CNKSR3: variants seen among roughly 807,000 people sequenced by gnomAD.
The protein encoded by CNKSR3 is connector enhancer of kinase suppressor of ras 3.
In CNKSR3, 36 loss-of-function variants were observed where a neutral mutation model predicts 67.7. That is an observed-to-expected ratio of 0.53 (90% CI 0.41 to 0.70). The LOEUF is 0.70. Among genes scored for constraint, CNKSR3 ranks in the 30% least tolerant of loss-of-function variants. The pLI is 0.00. For missense variants in CNKSR3, 630 were observed against 695.2 expected (o/e 0.91, Z 1.05); for synonymous variants, 281 against 271.4 (o/e 1.04, Z -0.35).
At chr6:154,489,985 A>C (rs1786754950) in intron 1 of CNKSR3, among the ~76,000 whole-genome samples, 1 of 151,738 alleles carries the variant, frequency 6.6e-6, no homozygotes, top group Non-Finnish European at 1.5e-5. Flanking sequence ...CCCCCACCCC[A>C]GTCTCCCTCC....
chr6:154,440,632 A>T (rs564126307), intron 4 of CNKSR3, among the ~76,000 whole-genome samples: 115 of 152,294 alleles, frequency 7.6e-4, no homozygotes, highest in Admixed American at 4.1e-3. Flanking sequence ...GACATGTGTC[A>T]CTTGCAGTCC....
At chr6:154,497,901 A>ACC (rs1786910476) in intron 1 of CNKSR3, among the ~76,000 whole-genome samples, 1 of 152,124 alleles carries the variant, frequency 6.6e-6, no homozygotes, top group Admixed American at 6.5e-5. Context: ...TTTACGTAGG[A>ACC]CCCCACTAAC....
At chr6:154,432,876 G>A (rs1785396047) in intron 5 of CNKSR3, among the ~76,000 whole-genome samples, 1 of 152,110 alleles carries the variant, frequency 6.6e-6, no homozygotes, top group African/African-American at 2.4e-5. Flanking sequence ...TCTTTCCAAG[G>A]GGGAGAATCC....
chr6:154,507,886 A>G (rs1787134518), intron 1 of CNKSR3, among the ~76,000 whole-genome samples: 1 of 152,204 alleles, frequency 6.6e-6, no homozygotes, highest in Non-Finnish European at 1.5e-5. Flanking sequence ...TTCCCTTTTA[A>G]ATACTCAACA....
chr6:154,438,446 CT>C (rs145225063), intron 4 of CNKSR3, among the ~76,000 whole-genome samples: 6 of 151,372 alleles, frequency 4.0e-5, no homozygotes, highest in East Asian at 1.9e-4. Flanking sequence ...TCATACCACA[CT>C]TTTTTTTTGC....
chr6:154,503,627 C>T (rs374731838), intron 1 of CNKSR3, among the ~76,000 whole-genome samples: 56 of 135,480 alleles, frequency 4.1e-4, no homozygotes, highest in African/African-American at 1.5e-3. Context: ...AGAGCAAGAC[C>T]CTGCCTCTTA....
At chr6:154,497,588 G>A (rs574653720) in intron 1 of CNKSR3, among the ~76,000 whole-genome samples, 1 of 152,304 alleles carries the variant, frequency 6.6e-6, no homozygotes, top group African/African-American at 2.4e-5. Context: ...TAGAAAGGGA[G>A]CTAATGGTTG....
chr6:154,438,487 T>G (rs1785518225), intron 4 of CNKSR3, among the ~76,000 whole-genome samples: 1 of 152,156 alleles, frequency 6.6e-6, no homozygotes, highest in African/African-American at 2.4e-5. Context: ...AACATTAACT[T>G]GTAGAAATCC....
At chr6:154,419,636 T>C (rs9397190) in intron 9 of CNKSR3, among the ~76,000 whole-genome samples, 20,514 of 152,140 alleles carry the variant, frequency 0.13, 1,536 homozygotes, top group East Asian at 0.25. Flanking sequence ...GGATACACGT[T>C]TAAAGGAAAT....
In CNKSR3 at chr6:154,399,462, T is replaced by C. The variant is rs1190108301; in HGVS notation, c.*6892A>G. The C allele has an allele frequency of 6.6e-6, 1 of 152,132 alleles. No homozygotes were observed. The highest frequency in any genetic ancestry group is 1.5e-5 in the Non-Finnish European group (1 of 68,044). The allele number at this position is 152,132 out of a possible 1,614,324, so 9.4% of individuals were successfully genotyped here. A position where few individuals can be genotyped will look rare whatever the true frequency, so the allele number is the denominator to read the frequency against. ...GCTAGTATTATCCCCATTTCATAGA[T>C]AACTGAGGAGTGGAGAGGTCAGTCA... On this transcript the variant is annotated 3_prime_UTR_variant, in exon 13 of 13. Coordinates refer to ENST00000607772, the MANE Select transcript of CNKSR3 (RefSeq NM_173515.4).
At chr6:154,479,536 C>T (rs1433575224) in intron 1 of CNKSR3, among the ~76,000 whole-genome samples, 1 of 152,062 alleles carries the variant, frequency 6.6e-6, no homozygotes, top group South Asian at 2.1e-4. Context: ...GGGTAAAAAT[C>T]GTTTCCATAT....
At position 154,406,606 on chromosome 6, in the gene CNKSR3, C is replaced by G. The variant is rs989448861; in HGVS notation, c.1416G>C (p.Pro472=). Residue 472 remains proline (P), a synonymous_variant, in exon 13 of 13, where the codon CCG becomes CCC. Coordinates refer to ENST00000607772, the MANE Select transcript of CNKSR3 (RefSeq NM_173515.4). The part of the protein sequence containing the change: ...CRYFSNERIP[P]IIEESSSPPY... ...GGGGAGAGGAGCTCTCTTCAATGAT[C>G]GGAGGAATCCGCTCGTTACTGAAAT... The G allele has an allele frequency of 3.7e-6, 6 of 1,614,094 alleles. No homozygotes were observed. Among genetic ancestry groups the G allele is most frequent in the Non-Finnish European group, 5.1e-6 (6 of 1,179,984 alleles).
intron 7 of CNKSR3, among the ~76,000 whole-genome samples, chr6:154,425,362 C>G (rs572412512): frequency 2.0e-5 from 3 of 152,322 alleles, no homozygotes; most frequent in African/African-American, 7.2e-5. Context: ...CTTCATTTCT[C>G]AAATGTCCAA....
In CNKSR3 at chr6:154,423,388, C is replaced by G. The variant is rs147644644; in HGVS notation, c.730-405G>C. 6.8e-3 allele frequency among the ~76,000 whole-genome samples: 1,038 copies of G among 152,272 alleles called. 9 individuals are homozygous for G. Among genetic ancestry groups the G allele is most frequent in the African/African-American group, 0.024 (981 of 41,558 alleles). ...AAGCGGATCTCCCCCCTCAGCCTCCCGAGTAGCTGAGATTACAGGTGGCTG... is the reference window on the plus strand; with the variant it reads ...AAGCGGATCTCCCCCCTCAGCCTCCGGAGTAGCTGAGATTACAGGTGGCTG... On this transcript the variant is annotated intron_variant, in intron 7 of 12. Transcript: ENST00000607772.
In CNKSR3 at chr6:154,392,906, G is replaced by GGTTTGTTTGTTTGTTT. The variant is rs368773867; in HGVS notation, c.*13432_*13447dup. The GGTTTGTTTGTTTGTTT allele has an allele frequency of 2.0e-5, 3 of 152,130 alleles. No homozygotes were observed. Among genetic ancestry groups the GGTTTGTTTGTTTGTTT allele is most frequent in the African/African-American group, 7.3e-5 (3 of 41,290 alleles). 9.4% of individuals were successfully genotyped at this position (152,130 alleles called of 1,614,324 possible). On this transcript the variant is annotated 3_prime_UTR_variant, in exon 13 of 13. Coordinates refer to ENST00000607772, the MANE Select transcript of CNKSR3 (RefSeq NM_173515.4). Reference sequence around the variant, plus strand: ...AGCATTGTCCTCTGAGGTAGTTAGTGGTTTGTTTGTTTGTTTGTTTGTTTG... The same window carrying GGTTTGTTTGTTTGTTT: ...AGCATTGTCCTCTGAGGTAGTTAGTGGTTTGTTTGTTTGTTTGTTTGTTTGTTTGTTTGTTTGTTTG...
In CNKSR3 at chr6:154,400,949, T is replaced by A. The variant is rs1403386711; in HGVS notation, c.*5405A>T. ...TAGGCTACAAAATATATATTTAAAT[T>A]CCCTTAGGTATTACCAAATGTGTGT... On this transcript the variant is annotated 3_prime_UTR_variant, in exon 13 of 13. Coordinates refer to ENST00000607772, the MANE Select transcript of CNKSR3 (RefSeq NM_173515.4). 6.6e-6 allele frequency: 1 copy of A among 152,150 alleles called. No homozygotes were observed. Among genetic ancestry groups the A allele is most frequent in the Non-Finnish European group, 1.5e-5 (1 of 68,016 alleles). 9.4% of individuals were successfully genotyped at this position (152,150 alleles called of 1,614,324 possible). A position where few individuals can be genotyped will look rare whatever the true frequency, so the allele number is the denominator to read the frequency against.
rs1371669587 is a variant in CNKSR3 at position 154,388,679 on chromosome 6, T to C, written c.*17675A>G. 1 of 152,168 alleles carries C rather than the reference T, an allele frequency of 6.6e-6. No homozygotes were observed. Among genetic ancestry groups the C allele is most frequent in the Non-Finnish European group, 1.5e-5 (1 of 68,042 alleles). The allele number at this position is 152,168 out of a possible 1,614,324, so 9.4% of individuals were successfully genotyped here. A position where few individuals can be genotyped will look rare whatever the true frequency, so the allele number is the denominator to read the frequency against. ...TCCACTTCTTCACCAATATTTGTTG[T>C]GTTTTGGTTCTTCAATGATAGCCAT... On this transcript the variant is annotated 3_prime_UTR_variant, in exon 13 of 13. Coordinates refer to ENST00000607772, the MANE Select transcript of CNKSR3 (RefSeq NM_173515.4).
At chr6:154,472,002 G>T (rs1786340120) in intron 1 of CNKSR3, among the ~76,000 whole-genome samples, 1 of 152,136 alleles carries the variant, frequency 6.6e-6, no homozygotes, top group Non-Finnish European at 1.5e-5. Context: ...CTAGCTGCAA[G>T]CACCTGGCTT....
At position 154,411,006 on chromosome 6, in the gene CNKSR3, C is replaced by A; in HGVS notation, c.1207G>T (p.Asp403Tyr). The change falls in exon 11 of 13, where the codon GAT (aspartate) becomes TAT (tyrosine). Residue 403 changes from aspartate (D) to tyrosine (Y), a missense_variant. Asp to Tyr is a radical substitution (Grantham distance 160). Transcript: ENST00000607772. The part of the protein sequence containing the change: ...RRRRFTIADS[D>Y]QLPGYSVETN... The stretch of plus-strand genomic sequence containing the variant: ...TCCACCGAGTACCCAGGCAACTGAT[C>A]CGAGTCTGCAATGGTGAATCTTCGT... 1 of 1,614,124 alleles carries A rather than the reference C, an allele frequency of 6.2e-7. No homozygotes were observed. The highest frequency in any genetic ancestry group is 8.5e-7 in the Non-Finnish European group (1 of 1,180,002).
Sources: allele counts gnomAD v4.1 joint callset (sites outside exome capture counted in the v4.1 genomes callset), GRCh38; gene constraint gnomAD v4.1.1; transcripts MANE v1.5; gene names NCBI Gene and HGNC (gene_info 2026-07-23, HGNC 2026-07-21).